The following PCDHGB3 variants were observed in gnomAD, a reference collection of about 807,000 sequenced individuals.
PCDHGB3 encodes protocadherin gamma subfamily B, 3.
In PCDHGB3, 40 loss-of-function variants were observed where a neutral mutation model predicts 59.2. The ratio of observed to expected loss-of-function variants is 0.68; its 90% CI spans 0.52 to 0.88. The LOEUF is 0.88. Ranked by LOEUF, PCDHGB3 falls within the 40% of genes least tolerant of loss-of-function variation. The probability of loss-of-function intolerance (pLI) is 0.00; values close to 1 mark genes in which losing one functional copy is unlikely to be tolerated. For missense variants in PCDHGB3, 1,309 were observed against 1,187.9 expected, an observed-to-expected ratio of 1.10 and a Z score of -1.50; for synonymous variants, 581 against 503.6, an observed-to-expected ratio of 1.15 and a Z score of -2.06.
chr5:141,438,583 CATACATACATATATAT>C (rs1183800202), intron 1 of PCDHGB3, among the ~76,000 whole-genome samples: 1 of 57,610 alleles, frequency 1.7e-5, no homozygotes, highest in African/African-American at 9.0e-5. Context: ...TACATACATA[CATACATACATATATAT>C]ATATATATAT....
intron 1 of PCDHGB3, chr5:141,399,261 T>G: frequency 1.2e-6 from 2 of 1,613,918 alleles, no homozygotes; most frequent in Non-Finnish European, 1.7e-6. Context: ...ATGGGGAGGT[T>G]AATTGTCAAT....
intron 1 of PCDHGB3, chr5:141,393,324 CA>C (rs2092729145): frequency 6.2e-7 from 1 of 1,611,096 alleles, no homozygotes; most frequent in African/African-American, 1.4e-5. Context: ...CCAGAGCTAC[CA>C]GCTCAGCCCC....
At chr5:141,498,248 G>A (rs1484987588) in intron 2 of PCDHGB3, among the ~76,000 whole-genome samples, 2 of 152,208 alleles carry the variant, frequency 1.3e-5, no homozygotes, top group Non-Finnish European at 2.9e-5. Flanking sequence ...CTTCAAAGCA[G>A]GGCTGGTGTT....
Position 141,372,044 on chromosome 5 carries a change from G to T in PCDHGB3, c.1650G>T (p.Val550=), listed in dbSNP as rs758767680. Residue 550 remains valine (V), a synonymous_variant, in exon 1 of 4, where the codon GTG becomes GTT. Coordinates refer to ENST00000576222, the MANE Select transcript of PCDHGB3 (RefSeq NM_018924.5). ...PTLSANVSLR[V]LVDDRNDNAP... is the part of the protein sequence containing the mutation. ...TCAGCGCCAACGTGAGCCTGCGCGT[G>T]TTGGTGGACGACCGCAACGACAATG... The T allele has an allele frequency of 1.2e-6, 2 of 1,613,384 alleles. No homozygotes were observed. Among genetic ancestry groups the T allele is most frequent in the Non-Finnish European group, 1.7e-6 (2 of 1,179,792 alleles).
At chr5:141,392,994 A>T in intron 1 of PCDHGB3, 1 of 1,613,910 alleles carries the variant, frequency 6.2e-7, no homozygotes, top group Non-Finnish European at 8.5e-7. Context: ...GAAGCTGGCG[A>T]AGCACGGAGT....
At chr5:141,456,020 C>A (rs2098840631) in intron 1 of PCDHGB3, among the ~76,000 whole-genome samples, 2 of 151,952 alleles carry the variant, frequency 1.3e-5, no homozygotes, top group South Asian at 4.2e-4. Flanking sequence ...GCCTCAGCCT[C>A]CCGAGTAGCT....
At chr5:141,457,422 T>TC (rs1038085994) in intron 1 of PCDHGB3, among the ~76,000 whole-genome samples, 6 of 151,626 alleles carry the variant, frequency 4.0e-5, no homozygotes, top group African/African-American at 7.3e-5. Flanking sequence ...CATCCCTTTT[T>TC]CCCCCCCACC....
At chr5:141,383,347 G>T in intron 1 of PCDHGB3, 1 of 1,614,012 alleles carries the variant, frequency 6.2e-7, no homozygotes, top group South Asian at 1.1e-5. Flanking sequence ...AGCTCCTGGG[G>T]TTCGGTTTCC....
At chr5:141,410,595 C>T (rs753833671) in intron 1 of PCDHGB3, 1 of 1,608,802 alleles carries the variant, frequency 6.2e-7, no homozygotes. Flanking sequence ...GAGGATTTGA[C>T]TTCACATCCT....
Position 141,371,905 on chromosome 5 carries a change from A to C in PCDHGB3, c.1511A>C (p.Tyr504Ser), listed in dbSNP as rs768388601. 6 of 1,613,358 alleles carry C rather than the reference A, an allele frequency of 3.7e-6. No homozygotes were observed. In the South Asian group the frequency reaches 6.6e-5, roughly 18 times the overall value. The change falls in exon 1 of 4, where the codon TAC becomes TCC. Residue 504 changes from tyrosine (Y) to serine (S), a missense_variant. By Grantham distance (144) the Tyr-to-Ser change is moderately radical. Coordinates refer to ENST00000576222, the MANE Select transcript of PCDHGB3 (RefSeq NM_018924.5). ...CTGGAGCCGCGGGAGCTGTCGTCCTACGTGTCCGTGAGCGCGCGGAGCGGG... is the reference window on the plus strand; with the variant it reads ...CTGGAGCCGCGGGAGCTGTCGTCCTCCGTGTCCGTGAGCGCGCGGAGCGGG... ...SDLEPRELSSYVSVSARSGVV... is the reference protein window; with the variant it reads ...SDLEPRELSSSVSVSARSGVV...
chr5:141,465,520 G>C (rs2099104807), intron 1 of PCDHGB3, among the ~76,000 whole-genome samples: 1 of 152,144 alleles, frequency 6.6e-6, no homozygotes, highest in Non-Finnish European at 1.5e-5. Flanking sequence ...GAAGGATTCT[G>C]GGGAAGTTTT....
intron 1 of PCDHGB3, chr5:141,441,480 T>A (rs1679700290): frequency 5.9e-6 from 1 of 170,298 alleles, no homozygotes. Flanking sequence ...CCAACGACAA[T>A]GCTCTGGTTT....
At chr5:141,409,515 T>G (rs1273041163) in intron 1 of PCDHGB3, 1 of 1,613,844 alleles carries the variant, frequency 6.2e-7, no homozygotes, top group Non-Finnish European at 8.5e-7. Context: ...AGTAGAAGCA[T>G]CACCTTGTAT....
chr5:141,436,713 G>T (rs2097842329), intron 1 of PCDHGB3, among the ~76,000 whole-genome samples: 1 of 152,190 alleles, frequency 6.6e-6, no homozygotes, highest in Non-Finnish European at 1.5e-5. Context: ...TCGATGTTCT[G>T]TTGGGAAAAA....
At chr5:141,387,197 T>C (rs1417433412) in intron 1 of PCDHGB3, among the ~76,000 whole-genome samples, 1 of 152,220 alleles carries the variant, frequency 6.6e-6, no homozygotes, top group East Asian at 1.9e-4. Flanking sequence ...AATTTTGGTA[T>C]TACTGATACT....
In PCDHGB3 at chr5:141,409,485, G is replaced by A. The variant is rs374642418; in HGVS notation, c.2415+36676G>A. On this transcript the variant is annotated intron_variant, in intron 1 of 3. Coordinates refer to ENST00000576222, the MANE Select transcript of PCDHGB3 (RefSeq NM_018924.5). ...GTCACCATCGTAGCCACTGACAGGG[G>A]CAAGCCGCCTCTTTCTTCCAGTAGA... 9.9e-6 allele frequency: 16 copies of A among 1,613,856 alleles called. No homozygotes were observed. Among genetic ancestry groups the A allele is most frequent in the African/African-American group, 9.3e-5 (7 of 74,934 alleles).
chr5:141,370,273 C>A lies in PCDHGB3; in HGVS notation c.-122C>A. The stretch of plus-strand genomic sequence containing the variant: ...TCTATCAGGCTTCCTGCAGCGGAGA[C>A]ACCCATTAGAGAACCCAAGCACAAA... On this transcript the variant is annotated 5_prime_UTR_variant, in exon 1 of 4. Coordinates refer to ENST00000576222, the MANE Select transcript of PCDHGB3 (RefSeq NM_018924.5). 1.2e-6 allele frequency: 1 copy of A among 809,002 alleles called. No individual in the cohort carries two copies. The highest frequency in any genetic ancestry group is 1.9e-6 in the Non-Finnish European group (1 of 527,662). The allele number at this position is 809,002 out of a possible 1,614,324, so 50.1% of individuals were successfully genotyped here.
intron 1 of PCDHGB3, among the ~76,000 whole-genome samples, chr5:141,472,274 G>A (rs1170341842): frequency 6.6e-6 from 1 of 152,176 alleles, no homozygotes; most frequent in Admixed American, 6.5e-5. Flanking sequence ...GGGCACAGTG[G>A]CTCACACCTG....
chr5:141,490,482 G>A lies in PCDHGB3; in HGVS notation c.2416-4325G>A. On this transcript the variant is annotated intron_variant, in intron 1 of 3. Coordinates refer to ENST00000576222, the MANE Select transcript of PCDHGB3 (RefSeq NM_018924.5). The surrounding 1 kb of genome is among the most constrained non-coding windows in gnomAD (Gnocchi z 5.4). ...TGCTAACCAGCCAGCCTTTGGACCG[G>A]GAGGCCACATCCCACTATATCATCG... 2.5e-6 allele frequency: 4 copies of A among 1,614,154 alleles called. No homozygotes were observed. In the South Asian group the frequency reaches 4.4e-5, roughly 18 times the overall value.
Sources: allele counts gnomAD v4.1 joint callset (sites outside exome capture counted in the v4.1 genomes callset), GRCh38; gene constraint gnomAD v4.1.1; non-coding constraint Gnocchi (gnomAD v3.1); transcripts MANE v1.5; gene names NCBI Gene and HGNC (gene_info 2026-07-23, HGNC 2026-07-21).